Variants in FHIP1A observed in about 807,000 individuals in gnomAD.
FHIP1A encodes the protein FHF complex subunit HOOK-interacting protein 1A.
FHIP1A carries 61 observed loss-of-function variants against 88.6 expected under a neutral mutation model. The observed-to-expected ratio is 0.69, with a 90% CI of 0.56 to 0.85. FHIP1A has a LOEUF of 0.85. Among genes scored for constraint, FHIP1A ranks in the 40% least tolerant of loss-of-function variants. FHIP1A has a pLI of 0.00. For synonymous variants in FHIP1A, 478 were observed against 496.0 expected (o/e 0.96, Z 0.48); for missense variants, 1,154 against 1,273.5 (o/e 0.91, Z 1.43).
At position 151,629,734 on chromosome 4, in the gene FHIP1A, A is replaced by G. The variant is rs1407749421; in HGVS notation, c.1011A>G (p.Ala337=). ...TGGAAGAGGTCATGACCACAACTGCATATCTGGACCTTTTCCTGCGTAGCA... is the reference window on the plus strand; with the variant it reads ...TGGAAGAGGTCATGACCACAACTGCGTATCTGGACCTTTTCCTGCGTAGCA... ...VTVEEVMTTT[A]YLDLFLRSIS... Residue 337 remains alanine, a synonymous_variant, in exon 8 of 14, where the codon GCA becomes GCG. Transcript: ENST00000435205. The G allele has an allele frequency of 1.4e-5, 21 of 1,551,184 alleles. No homozygotes were observed. In the East Asian group the frequency reaches 3.7e-4, roughly 27 times the overall value.
chr4:151,529,940 C>G (rs1731811084), intron 3 of FHIP1A, among the ~76,000 whole-genome samples: 1 of 152,170 alleles, frequency 6.6e-6, no homozygotes, highest in Non-Finnish European at 1.5e-5. Flanking sequence ...ACGAACAGTA[C>G]TGGCCCTTTC....
intron 3 of FHIP1A, among the ~76,000 whole-genome samples, chr4:151,486,950 A>G (rs908874158): frequency 2.0e-5 from 3 of 148,686 alleles, no homozygotes; most frequent in African/African-American, 7.5e-5. Context: ...CCTAGGCAAC[A>G]AGAGCAAAAC....
intron 2 of FHIP1A, among the ~76,000 whole-genome samples, chr4:151,477,891 A>G (rs1212169007): frequency 6.6e-6 from 1 of 152,158 alleles, no homozygotes; most frequent in Admixed American, 6.6e-5. Flanking sequence ...AATTGGCAAA[A>G]TCTATAATAT....
At chr4:151,607,204 C>T (rs1176273645) in intron 7 of FHIP1A, among the ~76,000 whole-genome samples, 1 of 152,280 alleles carries the variant, frequency 6.6e-6, no homozygotes, top group African/African-American at 2.4e-5. Context: ...TCTGTCTACT[C>T]AGTTCCCCTG....
At chr4:151,522,848 C>G (rs1463143378) in intron 3 of FHIP1A, among the ~76,000 whole-genome samples, 1 of 152,156 alleles carries the variant, frequency 6.6e-6, no homozygotes, top group Non-Finnish European at 1.5e-5. Flanking sequence ...AAGCTTAAAA[C>G]TAAGAACAGT....
chr4:151,598,633 C>G (rs979008879), intron 7 of FHIP1A, among the ~76,000 whole-genome samples: 2 of 152,124 alleles, frequency 1.3e-5, no homozygotes, highest in African/African-American at 4.8e-5. Context: ...AGAGGTGAAC[C>G]TATTCTCTCT....
At chr4:151,642,811 G>A (rs1055530796) in intron 9 of FHIP1A, among the ~76,000 whole-genome samples, 1 of 151,470 alleles carries the variant, frequency 6.6e-6, no homozygotes, top group African/African-American at 2.4e-5. Context: ...ACAGGCCCAG[G>A]GTTATAAAGG....
intron 5 of FHIP1A, among the ~76,000 whole-genome samples, chr4:151,579,452 G>C (rs1056711161): frequency 6.6e-6 from 1 of 152,144 alleles, no homozygotes; most frequent in Non-Finnish European, 1.5e-5. Flanking sequence ...TTGAGAGGGA[G>C]CTATACGTGG....
At chr4:151,501,419 A>G (rs1334704308) in intron 3 of FHIP1A, among the ~76,000 whole-genome samples, 4 of 152,164 alleles carry the variant, frequency 2.6e-5, no homozygotes, top group East Asian at 1.9e-4. Flanking sequence ...AAGTGTTTCT[A>G]TTTCTCCACA....
intron 4 of FHIP1A, among the ~76,000 whole-genome samples, chr4:151,567,374 C>T (rs1159818142): frequency 6.6e-6 from 1 of 151,866 alleles, no homozygotes; most frequent in Admixed American, 6.6e-5. Context: ...TAGATCAAAA[C>T]CAAGCAAAAT....
chr4:151,622,388 A>C (rs1340038042), intron 7 of FHIP1A, among the ~76,000 whole-genome samples: 1 of 152,184 alleles, frequency 6.6e-6, no homozygotes, highest in East Asian at 1.9e-4. Context: ...GTGTTGCTGA[A>C]AGAAGCCGTG....
chr4:151,476,484 A>G (rs1192201056), intron 2 of FHIP1A, among the ~76,000 whole-genome samples: 4 of 152,166 alleles, frequency 2.6e-5, no homozygotes, highest in Non-Finnish European at 1.5e-5. Context: ...TTAAAATATA[A>G]TAGGAAAATA....
intron 9 of FHIP1A, among the ~76,000 whole-genome samples, chr4:151,640,841 T>C (rs1050962461): frequency 1.3e-5 from 2 of 152,100 alleles, no homozygotes; most frequent in African/African-American, 4.8e-5. Flanking sequence ...CATATAGTGG[T>C]GTTTGTTGTG....
At chr4:151,560,896 G>A (rs1378846223) in intron 3 of FHIP1A, among the ~76,000 whole-genome samples, 1 of 151,680 alleles carries the variant, frequency 6.6e-6, no homozygotes, top group African/African-American at 2.4e-5. Flanking sequence ...GCTTTATCGA[G>A]GTATAATTGA....
At chr4:151,499,577 T>C (rs1730576942) in intron 3 of FHIP1A, among the ~76,000 whole-genome samples, 1 of 152,218 alleles carries the variant, frequency 6.6e-6, no homozygotes, top group Non-Finnish European at 1.5e-5. Context: ...CCAGTTGAAC[T>C]TATGTCTGCA....
Position 151,662,564 on chromosome 4 carries a change from T to C in FHIP1A, c.2933T>C (p.Val978Ala), listed in dbSNP as rs907467530. The C allele has an allele frequency of 6.4e-7, 1 of 1,551,092 alleles. No homozygotes were observed. ...AACCTTTTGGATGGACCTCCAAGAG[T>C]GCTTCAGCCCTTCCTGACCCACAGA... The part of the protein sequence containing the change: ...GKNLLDGPPR[V>A]LQPFLTHRTK... The change falls in exon 14 of 14, where the codon GTG (valine) becomes GCG (alanine). Residue 978 changes from valine (V) to alanine (A), a missense_variant. Transcript: ENST00000435205.
In FHIP1A at chr4:151,577,971, G is replaced by A; in HGVS notation, c.627G>A (p.Gly209=). The A allele has an allele frequency of 1.9e-6, 3 of 1,551,268 alleles. No individual in the cohort carries two copies. The highest frequency in any genetic ancestry group is 2.4e-5 in the South Asian group (2 of 84,018). ...SLLIPFIHRE[G]SVGQQARDAL... is the part of the protein sequence containing the mutation. ...TGATTCCCTTCATTCACCGAGAGGG[G>A]TCAGTAGGCCAGCAAGCTCGGGATG... The change falls in exon 5 of 14, where the codon GGG becomes GGA. Residue 209 remains glycine, a synonymous_variant. Transcript: ENST00000435205.
intron 7 of FHIP1A, among the ~76,000 whole-genome samples, chr4:151,620,894 C>T (rs1164436779): frequency 1.3e-5 from 2 of 148,796 alleles, no homozygotes; most frequent in Admixed American, 6.7e-5. Flanking sequence ...AAAAAAACCC[C>T]ACACAAAACC....
In FHIP1A at chr4:151,613,181, T is replaced by G. The variant is rs138370946; in HGVS notation, c.979-16521T>G. 3.1e-3 allele frequency among the ~76,000 whole-genome samples: 465 copies of G among 152,328 alleles called. 2 individuals carry two copies. The highest frequency in any genetic ancestry group is 9.7e-3 in the African/African-American group (404 of 41,572). On this transcript the variant is annotated intron_variant, in intron 7 of 13. Coordinates refer to ENST00000435205, the MANE Select transcript of FHIP1A (RefSeq NM_001109977.3). ...AACACTGGCTCTTCTGTAATGGGTCTTTCCATCCTAGTTGGGAATTAGTCA... is the reference window on the plus strand; with the variant it reads ...AACACTGGCTCTTCTGTAATGGGTCGTTCCATCCTAGTTGGGAATTAGTCA...
Sources: gnomAD v4.1 joint callset for allele counts (sites outside exome capture counted in the v4.1 genomes callset) on GRCh38, gnomAD v4.1.1 for gene constraint, MANE v1.5 for transcripts, NCBI Gene and HGNC (gene_info 2026-07-23, HGNC 2026-07-21) for gene names.